CCNY: variants seen among roughly 807,000 people sequenced by gnomAD.
The protein encoded by CCNY is cyclin Y.
In CCNY, 19 loss-of-function variants were observed where a neutral mutation model predicts 42.8. The ratio of observed to expected loss-of-function variants is 0.44; its 90% CI spans 0.31 to 0.65. The LOEUF is 0.65. Among genes scored for constraint, CCNY ranks in the 30% least tolerant of loss-of-function variants. The pLI is 0.07. For synonymous variants in CCNY, 165 were observed against 162.7 expected, an observed-to-expected ratio of 1.01 and a Z score of -0.11; for missense variants, 370 against 437.3, an observed-to-expected ratio of 0.85 and a Z score of 1.37.
At chr10:35,317,932 A>G (rs926128137) in intron 3 of CCNY, among the ~76,000 whole-genome samples, 4 of 152,200 alleles carry the variant, frequency 2.6e-5, no homozygotes, top group African/African-American at 9.6e-5. Flanking sequence ...GCTAAGTGCT[A>G]TCTTACATAG....
intron 1 of CCNY, among the ~76,000 whole-genome samples, chr10:35,430,336 CA>C (rs397954370): frequency 4.2e-3 from 233 of 55,534 alleles, no homozygotes; most frequent in African/African-American, 9.3e-3. Context: ...GACTCCGTCT[CA>C]AAAAAAAAAA....
intron 1 of CCNY, among the ~76,000 whole-genome samples, chr10:35,344,023 A>G (rs1168662284): frequency 2.0e-5 from 3 of 152,160 alleles, no homozygotes; most frequent in Non-Finnish European, 2.9e-5. Context: ...TCCTTTCAGT[A>G]TTATTTCCAG....
intron 2 of CCNY, among the ~76,000 whole-genome samples, chr10:35,501,185 G>A (rs1181659713): frequency 1.3e-5 from 2 of 152,182 alleles, no homozygotes; most frequent in Admixed American, 1.3e-4. Context: ...ACTAATAGAT[G>A]CATATGAGTT....
At chr10:35,308,735 G>C (rs937291491) in intron 3 of CCNY, among the ~76,000 whole-genome samples, 1 of 152,196 alleles carries the variant, frequency 6.6e-6, no homozygotes, top group African/African-American at 2.4e-5. Flanking sequence ...ATTTCAGCTT[G>C]AGAGAAGGCA....
At chr10:35,399,725 T>G (rs1396049265) in intron 1 of CCNY, among the ~76,000 whole-genome samples, 1 of 152,186 alleles carries the variant, frequency 6.6e-6, no homozygotes, top group African/African-American at 2.4e-5. Context: ...CTGCAGTAGA[T>G]CTTTTATGTG....
At chr10:35,305,960 T>G (rs185343058) in intron 3 of CCNY, among the ~76,000 whole-genome samples, 12 of 152,344 alleles carry the variant, frequency 7.9e-5, no homozygotes, top group Non-Finnish European at 1.2e-4. Context: ...AATCTACTCC[T>G]ATTTTCCAAA....
rs114810632 is a variant in CCNY, at chr10:35,497,367, G to A, written c.230-4134G>A. On this transcript the variant is annotated intron_variant, in intron 2 of 9. Transcript: ENST00000374704. ...AGCTGTACCCACATCAGCCTCAGTG[G>A]TTTCAAATTTATTTTAAAGACAGAT... 9.7e-3 allele frequency among the ~76,000 whole-genome samples: 1,484 copies of A among 152,258 alleles called. 31 individuals carry two copies. The highest frequency in any genetic ancestry group is 0.034 in the African/African-American group (1,424 of 41,544).
At chr10:35,527,034 A>G (rs1247823215) in intron 5 of CCNY, among the ~76,000 whole-genome samples, 1 of 152,166 alleles carries the variant, frequency 6.6e-6, no homozygotes, top group African/African-American at 2.4e-5. Flanking sequence ...GGGAGGTTGG[A>G]TGACAGCTTC....
At chr10:35,489,519 C>G (rs1839856657) in intron 2 of CCNY, among the ~76,000 whole-genome samples, 1 of 152,044 alleles carries the variant, frequency 6.6e-6, no homozygotes, top group African/African-American at 2.4e-5. Context: ...CCAGGGTGGT[C>G]TCGATCTTCT....
At chr10:35,297,706 T>C (rs1225792151) in intron 3 of CCNY, among the ~76,000 whole-genome samples, 2 of 151,948 alleles carry the variant, frequency 1.3e-5, no homozygotes, top group Admixed American at 6.6e-5. Context: ...ACATCCAAGC[T>C]GAGAGCCAAA....
chr10:35,392,661 A>G (rs903190819), intron 1 of CCNY, among the ~76,000 whole-genome samples: 2 of 152,162 alleles, frequency 1.3e-5, no homozygotes, highest in Admixed American at 1.3e-4. Context: ...AGCAGAGGAG[A>G]GGGTCAGCTG....
At chr10:35,305,713 T>G (rs1835598260) in intron 3 of CCNY, among the ~76,000 whole-genome samples, 1 of 152,214 alleles carries the variant, frequency 6.6e-6, no homozygotes, top group East Asian at 1.9e-4. Flanking sequence ...TTGGGTTATG[T>G]GGATACTTCT....
chr10:35,407,877 C>T (rs547779109), intron 1 of CCNY, among the ~76,000 whole-genome samples: 5 of 152,220 alleles, frequency 3.3e-5, no homozygotes, highest in South Asian at 2.1e-4. Flanking sequence ...GACGTCCCCA[C>T]GGAGATCAGA....
At chr10:35,428,687 A>G (rs1302216651) in intron 1 of CCNY, among the ~76,000 whole-genome samples, 2 of 151,992 alleles carry the variant, frequency 1.3e-5, no homozygotes, top group Non-Finnish European at 2.9e-5. Flanking sequence ...CTGAGACTGG[A>G]TATGTGGGGA....
At chr10:35,466,231 G>A (rs1839267455) in intron 1 of CCNY, among the ~76,000 whole-genome samples, 1 of 152,070 alleles carries the variant, frequency 6.6e-6, no homozygotes, top group Non-Finnish European at 1.5e-5. Context: ...ACGGAAGTGA[G>A]CCTAGGAGGG....
At position 35,571,299 on chromosome 10, in the gene CCNY, G is replaced by A. The variant is rs1181625366; in HGVS notation, c.*2129G>A. ...TTCAATGCATCTGCTATTATTTTGT[G>A]GAGTTTATTAAACTACTTTAAAAAA... is the stretch of plus-strand genomic sequence containing the variant. On this transcript the variant is annotated 3_prime_UTR_variant, in exon 10 of 10. Transcript: ENST00000374704. 6.6e-6 allele frequency: 1 copy of A among 151,870 alleles called. No individual in the cohort carries two copies. The highest frequency in any genetic ancestry group is 2.4e-5 in the African/African-American group (1 of 41,372). The allele number at this position is 151,870 out of a possible 1,614,324, so 9.4% of individuals were successfully genotyped here.
At chr10:35,538,859 C>A (rs1456896442) in intron 7 of CCNY, among the ~76,000 whole-genome samples, 1 of 152,126 alleles carries the variant, frequency 6.6e-6, no homozygotes, top group East Asian at 1.9e-4. Flanking sequence ...CATTGCATAA[C>A]CCATGGTCAT....
chr10:35,540,377 C>T (rs144677867), intron 7 of CCNY, among the ~76,000 whole-genome samples: 176 of 152,294 alleles, frequency 1.2e-3, no homozygotes, highest in Admixed American at 3.3e-3. Context: ...AAATCAACCC[C>T]GCATTCCGGG....
intron 1 of CCNY, among the ~76,000 whole-genome samples, chr10:35,411,734 G>A (rs959726901): frequency 6.6e-6 from 1 of 152,048 alleles, no homozygotes; most frequent in Admixed American, 6.6e-5. Flanking sequence ...CCCAAGACAA[G>A]TTTTATGTTC....
Sources: allele counts gnomAD v4.1 joint callset (sites outside exome capture counted in the v4.1 genomes callset), GRCh38; gene constraint gnomAD v4.1.1; transcripts MANE v1.5; gene names NCBI Gene and HGNC (gene_info 2026-07-23, HGNC 2026-07-21).